EMSY: variants seen among roughly 807,000 people sequenced by gnomAD.
The protein encoded by EMSY is BRCA2-interacting transcriptional repressor EMSY.
EMSY carries 26 observed loss-of-function variants against 134.6 expected under a neutral mutation model. That is an observed-to-expected ratio of 0.19 (90% CI 0.14 to 0.27). The LOEUF (loss-of-function observed/expected upper bound fraction) is 0.27. Among genes scored for constraint, EMSY ranks in the 10% least tolerant of loss-of-function variants. The pLI is 1.00. For synonymous variants in EMSY, 579 were observed against 577.8 expected, an observed-to-expected ratio of 1.00 and a Z score of -0.03; for missense variants, 1,305 against 1,611.4, an observed-to-expected ratio of 0.81 and a Z score of 3.26.
intron 14 of EMSY, among the ~76,000 whole-genome samples, chr11:76,533,411 A>G (rs964789419): frequency 1.3e-5 from 2 of 152,162 alleles, no homozygotes; most frequent in Non-Finnish European, 2.9e-5. Flanking sequence ...GTTTCTACTC[A>G]ATATGAAAAA....
chr11:76,463,431 G>T (rs1206019718), intron 6 of EMSY, among the ~76,000 whole-genome samples: 1 of 151,738 alleles, frequency 6.6e-6, no homozygotes, highest in Non-Finnish European at 1.5e-5. Context: ...AGACCATCCT[G>T]GCTAACAAGG....
intron 2 of EMSY, among the ~76,000 whole-genome samples, chr11:76,449,858 C>G (rs1167214689): frequency 6.6e-6 from 1 of 151,964 alleles, no homozygotes; most frequent in South Asian, 2.1e-4. Flanking sequence ...TTATTTTGTT[C>G]CTAGAAATAT....
chr11:76,536,154 AT>A (rs1951218035), intron 15 of EMSY, 95 bp downstream of exon 16: 1 of 779,224 alleles, frequency 1.3e-6, no homozygotes, highest in South Asian at 6.1e-5. Context: ...TATTACTATT[AT>A]TTATTATTAT....
intron 2 of EMSY, among the ~76,000 whole-genome samples, chr11:76,450,014 A>G (rs935646200): frequency 1.3e-5 from 2 of 151,122 alleles, no homozygotes; most frequent in African/African-American, 4.9e-5. Context: ...CTGGAATAAT[A>G]TGAAACTATC....
chr11:76,552,333 C>G (rs1161992686), downstream of EMSY: 1 of 152,096 alleles, frequency 6.6e-6, no homozygotes, highest in Non-Finnish European at 1.5e-5. Context: ...AAAATAAGAA[C>G]AATACTTAGG....
rs75903485 is a variant in EMSY, at chr11:76,515,206, TGG to T, written c.1514-927_1514-926del. ...GAATAACTTGGTAAAAGCATTTTTT[TGG>T]GGGGGGGGAGGAGGCGAGTATTGAA... On this transcript the variant is annotated intron_variant, in intron 10 of 20. Transcript: ENST00000334736. 1.1e-4 allele frequency among the ~76,000 whole-genome samples: 16 copies of T among 144,598 alleles called. No individual in the cohort carries two copies. In the East Asian group the frequency reaches 2.3e-3, roughly 21 times the overall value. 94.9% of individuals were successfully genotyped at this position (144,598 alleles called of 152,430 possible). A position where few individuals can be genotyped will look rare whatever the true frequency, so the allele number is the denominator to read the frequency against.
chr11:76,513,442 A>G (rs763724517), exon 10 of EMSY: 8 of 1,613,678 alleles, frequency 5.0e-6, no homozygotes, highest in Middle Eastern at 1.6e-4. Context: ...CAAACCAGTG[A>G]CAGCAACTCT....
chr11:76,511,086 A>G lies in EMSY; in HGVS notation c.1364-2300A>G, dbSNP rs532457083. On this transcript the variant is annotated intron_variant, in intron 9 of 20. Coordinates refer to ENST00000334736, the Ensembl canonical transcript of EMSY. Reference sequence around the variant, plus strand: ...GCCGATGCCGCCGTGCCAGATATCAATATTTGGAATGGCTTTAAGTACATT... The same window carrying G: ...GCCGATGCCGCCGTGCCAGATATCAGTATTTGGAATGGCTTTAAGTACATT... 4.0e-5 allele frequency among the ~76,000 whole-genome samples: 6 copies of G among 151,216 alleles called. No homozygotes were observed. In the South Asian group the frequency reaches 1.1e-3, roughly 27 times the overall value.
At chr11:76,502,733 A>C (rs932971348) in intron 9 of EMSY, among the ~76,000 whole-genome samples, 5 of 152,162 alleles carry the variant, frequency 3.3e-5, no homozygotes, top group Non-Finnish European at 7.4e-5. Context: ...TAAATTTAAC[A>C]AAAGAAATAC....
intron 7 of EMSY, among the ~76,000 whole-genome samples, chr11:76,471,436 G>C (rs1311525120): frequency 2.0e-5 from 3 of 152,030 alleles, no homozygotes; most frequent in Non-Finnish European, 4.4e-5. Flanking sequence ...TTAGATCCAT[G>C]GTTTATTCAT....
At chr11:76,546,245 A>C (rs1167927178) in exon 20 of EMSY, 2 of 1,613,886 alleles carry the variant, frequency 1.2e-6, no homozygotes, top group Admixed American at 3.3e-5. Flanking sequence ...ATGCGTATTC[A>C]GAATGTAGGC....
At chr11:76,499,816 A>T (rs961368627) in intron 9 of EMSY, among the ~76,000 whole-genome samples, 2 of 152,118 alleles carry the variant, frequency 1.3e-5, no homozygotes, top group Non-Finnish European at 2.9e-5. Flanking sequence ...ATGGTATTAC[A>T]GTATACATGT....
exon 9 of EMSY, chr11:76,496,256 C>G: frequency 6.2e-7 from 1 of 1,614,138 alleles, no homozygotes; most frequent in South Asian, 1.1e-5. Context: ...AACCAGACTT[C>G]CTTCCCCCAA....
exon 19 of EMSY, chr11:76,544,322 G>T: frequency 6.2e-7 from 1 of 1,614,156 alleles, no homozygotes; most frequent in Non-Finnish European, 8.5e-7. Flanking sequence ...GGAGGGCGAG[G>T]TTGAAGAGAT....
At chr11:76,459,387 C>T (rs1044398460) in intron 5 of EMSY, 11 of 153,078 alleles carry the variant, frequency 7.2e-5, no homozygotes, top group African/African-American at 2.4e-4. Context: ...TTAGCTGTAT[C>T]CCTTCGTTGA....
chr11:76,531,731 G>A (rs1951047990), intron 14 of EMSY, among the ~76,000 whole-genome samples: 1 of 152,072 alleles, frequency 6.6e-6, no homozygotes, highest in Admixed American at 6.6e-5. Flanking sequence ...AGTAGTTTTA[G>A]CATCCATAGA....
chr11:76,465,722 C>G (rs1328249795), intron 7 of EMSY, among the ~76,000 whole-genome samples: 1 of 151,246 alleles, frequency 6.6e-6, no homozygotes, highest in Non-Finnish European at 1.5e-5. Context: ...TTCCTTTTAT[C>G]TATTTGTTTT....
At chr11:76,543,177 A>G (rs940757157) in intron 18 of EMSY, among the ~76,000 whole-genome samples, 1 of 152,216 alleles carries the variant, frequency 6.6e-6, no homozygotes, top group African/African-American at 2.4e-5. Flanking sequence ...AGATTAAAGC[A>G]TGACTTATCA....
chr11:76,475,348 AC>A (rs1948734494), intron 8 of EMSY, among the ~76,000 whole-genome samples: 1 of 152,226 alleles, frequency 6.6e-6, no homozygotes, highest in African/African-American at 2.4e-5. Flanking sequence ...TCTCTTGGTT[AC>A]TAATAAAATA....
Sources: gnomAD v4.1 joint callset for allele counts (sites outside exome capture counted in the v4.1 genomes callset) on GRCh38, gnomAD v4.1.1 for gene constraint, MANE v1.5 for transcripts, NCBI Gene and HGNC (gene_info 2026-07-23, HGNC 2026-07-21) for gene names.